Variants in DOCK10 observed in about 807,000 individuals in gnomAD.
The protein encoded by DOCK10 is dedicator of cytokinesis protein 10.
A neutral mutation model predicts 280.1 loss-of-function variants in DOCK10; 145 were observed. The observed-to-expected ratio is 0.52, with a 90% CI of 0.45 to 0.59. The LOEUF is 0.59. Ranked by LOEUF, DOCK10 falls within the 20% of genes least tolerant of loss-of-function variation. DOCK10 has a pLI of 0.00. For missense variants in DOCK10, 2,368 were observed against 2,651.7 expected (o/e 0.89, Z 2.35); for synonymous variants, 915 against 942.2 (o/e 0.97, Z 0.53).
chr2:224,867,016 GCTCA>G (rs1315512503), intron 11 of DOCK10, among the ~76,000 whole-genome samples: 1 of 151,630 alleles, frequency 6.6e-6, no homozygotes, highest in African/African-American at 2.4e-5. Context: ...TGCTTGTTGT[GCTCA>G]CTGTCACAGG....
intron 1 of DOCK10, among the ~76,000 whole-genome samples, chr2:224,955,613 T>C (rs1380516206): frequency 6.6e-6 from 1 of 152,248 alleles, no homozygotes; most frequent in East Asian, 1.9e-4. Context: ...TACAATACTT[T>C]GATTTAAGTG....
At chr2:224,972,415 C>T (rs372669662) in intron 1 of DOCK10, among the ~76,000 whole-genome samples, 5 of 152,262 alleles carry the variant, frequency 3.3e-5, no homozygotes, top group African/African-American at 7.2e-5. Context: ...CTTTATGACC[C>T]ATAAGATATG....
chr2:224,974,791 C>CAATA (rs1179702290), intron 1 of DOCK10, among the ~76,000 whole-genome samples: 13 of 82,228 alleles, frequency 1.6e-4, no homozygotes, highest in Non-Finnish European at 2.8e-4. Flanking sequence ...AATGTTCTCT[C>CAATA]TATATATATC....
At chr2:224,794,768 A>G in intron 45 of DOCK10, 111 bp downstream of exon 45, 1 of 989,454 alleles carries the variant, frequency 1.0e-6, no homozygotes, top group Non-Finnish European at 1.6e-6. Flanking sequence ...TCATTTCTAG[A>G]TTAGTTGAAA....
At chr2:224,844,944 T>C (rs1696230780) in intron 21 of DOCK10, 105 bp from the exon 22 acceptor site, 4 of 896,058 alleles carry the variant, frequency 4.5e-6, no homozygotes, top group Admixed American at 4.4e-5. Flanking sequence ...ATTAATCTTA[T>C]ATCAGCTACA....
chr2:224,827,279 A>G (rs1255406038), intron 27 of DOCK10, among the ~76,000 whole-genome samples: 1 of 145,418 alleles, frequency 6.9e-6, no homozygotes, highest in Non-Finnish European at 1.5e-5. Flanking sequence ...AAAAAAAAAA[A>G]GTAAAGAAAA....
At chr2:225,003,953 C>T (rs1303569786) in intron 1 of DOCK10, among the ~76,000 whole-genome samples, 1 of 152,142 alleles carries the variant, frequency 6.6e-6, no homozygotes, top group Non-Finnish European at 1.5e-5. Flanking sequence ...TGTTAATAAA[C>T]ATGATAATGA....
At chr2:224,945,190 G>A (rs1703327203) in intron 1 of DOCK10, among the ~76,000 whole-genome samples, 1 of 152,132 alleles carries the variant, frequency 6.6e-6, no homozygotes, top group African/African-American at 2.4e-5. Flanking sequence ...AAATACAGCA[G>A]GGAAATTATG....
At chr2:224,912,085 A>G (rs567366131) in intron 3 of DOCK10, among the ~76,000 whole-genome samples, 14 of 152,300 alleles carry the variant, frequency 9.2e-5, no homozygotes, top group African/African-American at 3.1e-4. Flanking sequence ...TAACTTTTGC[A>G]GACAAGTTTA....
chr2:224,876,439 T>G (rs2125697087), intron 7 of DOCK10, among the ~76,000 whole-genome samples: 1 of 152,270 alleles, frequency 6.6e-6, no homozygotes, highest in East Asian at 1.9e-4. Context: ...ATTTAGGGTT[T>G]TGTTGATTGG....
At chr2:225,016,560 C>CATATATCTATGTGCACATAGATAT (rs1689598010) in intron 1 of DOCK10, among the ~76,000 whole-genome samples, 1 of 134,736 alleles carries the variant, frequency 7.4e-6, no homozygotes, top group Non-Finnish European at 1.6e-5. Flanking sequence ...CACATAGATA[C>CATATATCTATGTGCACATAGATAT]ATATATCTAT....
At chr2:224,909,604 G>C (rs1239694090) in intron 3 of DOCK10, among the ~76,000 whole-genome samples, 1 of 152,158 alleles carries the variant, frequency 6.6e-6, no homozygotes, top group African/African-American at 2.4e-5. Context: ...TAAGAACATG[G>C]AATATTATGT....
At chr2:224,846,609 G>A (rs1696371707) in intron 19 of DOCK10, among the ~76,000 whole-genome samples, 1 of 150,678 alleles carries the variant, frequency 6.6e-6, no homozygotes, top group Admixed American at 6.7e-5. Flanking sequence ...TGATTCTCCT[G>A]CCTCAGCCTC....
Position 224,789,052 on chromosome 2 carries a change from T to C in DOCK10, c.5418+12A>G, listed in dbSNP as rs1171834257. On this transcript the variant is annotated intron_variant, in intron 48 of 55. Coordinates refer to ENST00000258390, the MANE Select transcript of DOCK10 (RefSeq NM_014689.3). ...TCCTTCGTTACTGTACATGAGATAA[T>C]TTTGGTCTAACCTCATTGTATGGTG... The C allele has an allele frequency of 1.3e-6, 2 of 1,557,734 alleles. No individual in the cohort carries two copies. The highest frequency in any genetic ancestry group is 1.1e-5 in the South Asian group (1 of 89,214).
At chr2:224,793,338 T>G in intron 46 of DOCK10, 62 bp downstream of exon 46, 2 of 1,316,064 alleles carry the variant, frequency 1.5e-6, no homozygotes, top group Non-Finnish European at 1.1e-6. Context: ...AATACATTAT[T>G]TCTATTAGGC....
chr2:224,903,058 A>C (rs1448028408), intron 3 of DOCK10, among the ~76,000 whole-genome samples: 2 of 152,244 alleles, frequency 1.3e-5, no homozygotes, highest in African/African-American at 2.4e-5. Context: ...AGATTGCGCC[A>C]CTGCTCTCCA....
At chr2:225,009,624 G>C (rs552176767) in intron 1 of DOCK10, among the ~76,000 whole-genome samples, 1 of 134,120 alleles carries the variant, frequency 7.5e-6, no homozygotes, top group South Asian at 2.4e-4. Context: ...CAATGACAAA[G>C]GCAAGCCCTA....
chr2:224,982,153 C>T, intron 1 of DOCK10: 1 of 1,207,806 alleles, frequency 8.3e-7, no homozygotes, highest in African/African-American at 1.6e-5. Flanking sequence ...AAATTGTAAC[C>T]TCTCTATAAT....
At chr2:224,923,068 T>C (rs1387064924) in intron 2 of DOCK10, among the ~76,000 whole-genome samples, 2 of 152,204 alleles carry the variant, frequency 1.3e-5, no homozygotes, top group Non-Finnish European at 2.9e-5. Flanking sequence ...CAGAAGAGTA[T>C]TGTTGTGATT....
Sources: gnomAD v4.1 joint callset for allele counts (sites outside exome capture counted in the v4.1 genomes callset) on GRCh38, gnomAD v4.1.1 for gene constraint, MANE v1.5 for transcripts, NCBI Gene and HGNC (gene_info 2026-07-23, HGNC 2026-07-21) for gene names.